Variants in SLC71A2 observed in about 807,000 individuals in gnomAD.
The protein encoded by SLC71A2 is hippocampus abundant transcript-like 1.
the SLC71A2 span, among the ~76,000 whole-genome samples, chr9:94,416,070 T>C: frequency 2.0e-5 from 3 of 152,222 alleles, no homozygotes; most frequent in Admixed American, 6.5e-5. Flanking sequence ...AGAACTTGTA[T>C]GTTTCATCTA....
At chr9:94,448,420 C>T in the SLC71A2 span, among the ~76,000 whole-genome samples, 2 of 152,186 alleles carry the variant, frequency 1.3e-5, no homozygotes, top group Non-Finnish European at 2.9e-5. Context: ...CAGACCTAAG[C>T]TGCCTTTCCA....
At chr9:94,425,134 C>T in the SLC71A2 span, among the ~76,000 whole-genome samples, 4 of 151,574 alleles carry the variant, frequency 2.6e-5, no homozygotes, top group South Asian at 2.1e-4. Flanking sequence ...TCAACCTCGG[C>T]GAAACCCCAT....
chr9:94,438,197 C>G, the SLC71A2 span, among the ~76,000 whole-genome samples: 1 of 152,128 alleles, frequency 6.6e-6, no homozygotes, highest in East Asian at 1.9e-4. Context: ...CTCGGCCTTC[C>G]AAAGTGCTGG....
At chr9:94,456,628 C>A in the SLC71A2 span, among the ~76,000 whole-genome samples, 1 of 152,136 alleles carries the variant, frequency 6.6e-6, no homozygotes, top group African/African-American at 2.4e-5. Flanking sequence ...TTTAGTGTCA[C>A]AATTAAGCAG....
the SLC71A2 span, among the ~76,000 whole-genome samples, chr9:94,434,950 A>C: frequency 1.3e-5 from 2 of 152,194 alleles, no homozygotes; most frequent in Non-Finnish European, 1.5e-5. Flanking sequence ...ATATCCTAGT[A>C]TTCAACCACT....
At chr9:94,415,140 A>G in the SLC71A2 span, 14 of 1,571,404 alleles carry the variant, frequency 8.9e-6, no homozygotes, top group Non-Finnish European at 1.1e-5. Flanking sequence ...TAATTTTCAT[A>G]ATAACTTTCT....
chr9:94,383,288 G>A, the SLC71A2 span, among the ~76,000 whole-genome samples: 2 of 149,410 alleles, frequency 1.3e-5, no homozygotes, highest in African/African-American at 4.9e-5. Context: ...TCAGCCTCCT[G>A]AGTAGCTGGG....
chr9:94,381,322 T>C, the SLC71A2 span, among the ~76,000 whole-genome samples: 5,330 of 127,432 alleles, frequency 0.042, no homozygotes, highest in East Asian at 0.29. Flanking sequence ...AGGCGTGAGC[T>C]ACTGCCCCCA....
At chr9:94,456,297 C>T in the SLC71A2 span, 1 of 1,614,132 alleles carries the variant, frequency 6.2e-7, no homozygotes, top group Non-Finnish European at 8.5e-7. Flanking sequence ...TTCCGGCAAT[C>T]AGTGCCCTCG....
At chr9:94,457,406 A>G in the SLC71A2 span, among the ~76,000 whole-genome samples, 1 of 150,502 alleles carries the variant, frequency 6.6e-6, no homozygotes. Flanking sequence ...CTTTTTTTTA[A>G]AAGTTTTAGT....
the SLC71A2 span, among the ~76,000 whole-genome samples, chr9:94,404,078 C>G: frequency 6.6e-6 from 1 of 152,116 alleles, no homozygotes; most frequent in Non-Finnish European, 1.5e-5. Flanking sequence ...TAAGACTGTC[C>G]ACCCCAGATG....
the SLC71A2 span, among the ~76,000 whole-genome samples, chr9:94,422,503 G>A: frequency 6.6e-6 from 1 of 152,174 alleles, no homozygotes; most frequent in Admixed American, 6.5e-5. Context: ...TGGTGAACAT[G>A]TATACGTGTT....
the SLC71A2 span, among the ~76,000 whole-genome samples, chr9:94,415,519 G>A: frequency 3.0e-4 from 46 of 152,036 alleles, no homozygotes; most frequent in African/African-American, 9.4e-4. Flanking sequence ...TATATGTTTA[G>A]GAAGATCCTT....
At chr9:94,423,333 T>G in the SLC71A2 span, among the ~76,000 whole-genome samples, 2 of 151,920 alleles carry the variant, frequency 1.3e-5, no homozygotes, top group Non-Finnish European at 2.9e-5. Flanking sequence ...TAAAAAATAT[T>G]TATTACATTT....
chr9:94,414,364 C>T, the SLC71A2 span, among the ~76,000 whole-genome samples: 1 of 152,126 alleles, frequency 6.6e-6, no homozygotes, highest in Admixed American at 6.6e-5. Flanking sequence ...GACATTATTG[C>T]ACACTTTTCA....
At chr9:94,460,198 G>A in the SLC71A2 span, 438 of 152,650 alleles carry the variant, frequency 2.9e-3, 4 homozygotes, top group Middle Eastern at 6.8e-3. Flanking sequence ...CATAGAGATT[G>A]TAGGCTGCTT....
the SLC71A2 span, among the ~76,000 whole-genome samples, chr9:94,439,631 A>T: frequency 1.3e-5 from 2 of 149,676 alleles, no homozygotes; most frequent in African/African-American, 4.9e-5. Context: ...TTCTAAATTT[A>T]TTGGGTACTT....
chr9:94,438,021 C>G, the SLC71A2 span, among the ~76,000 whole-genome samples: 1 of 152,026 alleles, frequency 6.6e-6, no homozygotes. Context: ...CTCTGCCTCT[C>G]GGGTTCAAGT....
the SLC71A2 span, among the ~76,000 whole-genome samples, chr9:94,403,427 C>T: frequency 1.3e-5 from 2 of 151,792 alleles, no homozygotes; most frequent in South Asian, 2.1e-4. Flanking sequence ...CATGAGCCAC[C>T]GTTACCAGCC....
Sources: gnomAD v4.1 joint callset for allele counts (sites outside exome capture counted in the v4.1 genomes callset) on GRCh38, gnomAD v4.1.1 for gene constraint, MANE v1.5 for transcripts, NCBI Gene and HGNC (gene_info 2026-07-23, HGNC 2026-07-21) for gene names.